CTIF: variants seen among roughly 807,000 people sequenced by gnomAD.
The protein encoded by CTIF is CBP80/20-dependent translation initiation factor.
A neutral mutation model predicts 66.0 loss-of-function variants in CTIF; 21 were observed. That is an observed-to-expected ratio of 0.32 (90% confidence interval 0.23 to 0.46). The LOEUF (loss-of-function observed/expected upper bound fraction) is 0.46, where lower values mean the gene tolerates loss of function less well. Among genes scored for constraint, CTIF ranks in the 20% least tolerant of loss-of-function variants. The probability of loss-of-function intolerance (pLI) is 1.00; values close to 1 mark genes in which losing one functional copy is unlikely to be tolerated. For missense variants in CTIF, 739 were observed against 812.7 expected, an observed-to-expected ratio of 0.91 and a Z score of 1.10; for synonymous variants, 345 against 326.4, an observed-to-expected ratio of 1.06 and a Z score of -0.62.
At chr18:48,747,753 A>T (rs377737334) in intron 7 of CTIF, among the ~76,000 whole-genome samples, 38,292 of 137,540 alleles carry the variant, frequency 0.28, 5,252 homozygotes, top group African/African-American at 0.42. Context: ...ACAAAAATTA[A>T]AAAAAAAAAA....
At chr18:48,596,231 C>G (rs960377973) in intron 1 of CTIF, among the ~76,000 whole-genome samples, 1 of 152,200 alleles carries the variant, frequency 6.6e-6, no homozygotes, top group Non-Finnish European at 1.5e-5. Context: ...TTCTTTCTTA[C>G]GTCTACAGGC....
At chr18:48,756,497 A>G (rs552821424) in intron 7 of CTIF, among the ~76,000 whole-genome samples, 4 of 152,370 alleles carry the variant, frequency 2.6e-5, no homozygotes, top group African/African-American at 9.6e-5. Context: ...ATAACATGCA[A>G]TGCAATGAAG....
intron 1 of CTIF, among the ~76,000 whole-genome samples, chr18:48,615,647 G>A (rs1035273757): frequency 1.3e-5 from 2 of 152,226 alleles, no homozygotes; most frequent in East Asian, 1.9e-4. Context: ...ACACTGAAAA[G>A]GGGAGTATTT....
chr18:48,643,451 G>A (rs1382711323), intron 3 of CTIF, among the ~76,000 whole-genome samples: 1 of 152,218 alleles, frequency 6.6e-6, no homozygotes, highest in Non-Finnish European at 1.5e-5. Context: ...TGGCCTGTCT[G>A]TGCAGCATTC....
chr18:48,794,074 G>T (rs2067854588), intron 9 of CTIF, among the ~76,000 whole-genome samples: 1 of 152,120 alleles, frequency 6.6e-6, no homozygotes, highest in Admixed American at 6.5e-5. Context: ...GGATCCTTTG[G>T]GTTTTCTGAC....
At chr18:48,779,122 G>C (rs1390473252) in intron 9 of CTIF, among the ~76,000 whole-genome samples, 1 of 152,130 alleles carries the variant, frequency 6.6e-6, no homozygotes, top group East Asian at 1.9e-4. Flanking sequence ...TGGGGACGAT[G>C]GTGTTAGTAT....
intron 3 of CTIF, chr18:48,662,507 T>C (rs1245806003): frequency 6.6e-6 from 1 of 151,952 alleles, no homozygotes; most frequent in Non-Finnish European, 1.5e-5. Flanking sequence ...TTCGACTCCA[T>C]AAGCCCTCCA....
intron 7 of CTIF, among the ~76,000 whole-genome samples, chr18:48,757,374 G>A (rs1033212789): frequency 6.6e-6 from 1 of 151,802 alleles, no homozygotes; most frequent in African/African-American, 2.4e-5. Context: ...GGGTTTGGGG[G>A]TGAAAATGAC....
At chr18:48,735,137 A>G (rs2092489579) in intron 7 of CTIF, among the ~76,000 whole-genome samples, 1 of 152,082 alleles carries the variant, frequency 6.6e-6, no homozygotes, top group African/African-American at 2.4e-5. Context: ...TGCAGCCCAT[A>G]AGGCCCTGTA....
intron 10 of CTIF, among the ~76,000 whole-genome samples, chr18:48,824,621 C>CT (rs57385726): frequency 0.051 from 7,484 of 145,652 alleles, 401 homozygotes; most frequent in East Asian, 0.32. Flanking sequence ...CTTTTCTCTC[C>CT]TTTTTTTTTT....
rs547888930 is a variant in CTIF, at chr18:48,786,160, T to C, written c.1371+24471T>C. Among the ~76,000 whole-genome samples the C allele has an allele frequency of 5.8e-4, 89 of 152,262 alleles. 1 individual carries two copies. The highest frequency in any genetic ancestry group is 2.1e-3 in the African/African-American group (88 of 41,522). On this transcript the variant is annotated intron_variant, in intron 9 of 11. Transcript: ENST00000256413. The stretch of plus-strand genomic sequence containing the variant: ...CCAGCTGAAGGAGCTCAGAGAGCAC[T>C]GCAGGGAGACAGGGGAGGTGCCGGC...
chr18:48,540,698 C>T (rs958989717), intron 1 of CTIF, among the ~76,000 whole-genome samples: 2 of 152,036 alleles, frequency 1.3e-5, no homozygotes, highest in Non-Finnish European at 2.9e-5. Context: ...CTCCCCCGCC[C>T]GGCTGTTTGT....
chr18:48,572,375 C>A (rs2089436104), intron 1 of CTIF, among the ~76,000 whole-genome samples: 2 of 152,122 alleles, frequency 1.3e-5, no homozygotes. Context: ...CATCACAGAT[C>A]CAAGAAGGAT....
chr18:48,845,161 G>A (rs1453048416), intron 10 of CTIF, among the ~76,000 whole-genome samples: 1 of 151,512 alleles, frequency 6.6e-6, no homozygotes, highest in Admixed American at 6.6e-5. Flanking sequence ...GGGGTTGGGG[G>A]TGGGGGAGAG....
At chr18:48,680,750 C>G (rs369873905) in intron 6 of CTIF, among the ~76,000 whole-genome samples, 1 of 152,260 alleles carries the variant, frequency 6.6e-6, no homozygotes, top group African/African-American at 2.4e-5. Context: ...CAGCATCTTC[C>G]CTCCTCTGTC....
chr18:48,739,906 C>A (rs1353971899), intron 7 of CTIF, among the ~76,000 whole-genome samples: 1 of 152,206 alleles, frequency 6.6e-6, no homozygotes, highest in Non-Finnish European at 1.5e-5. Context: ...CTGCAGTGGC[C>A]CAGGTGACCT....
intron 1 of CTIF, among the ~76,000 whole-genome samples, chr18:48,547,026 T>C (rs1219671119): frequency 1.3e-5 from 2 of 152,194 alleles, no homozygotes; most frequent in Non-Finnish European, 2.9e-5. Context: ...GGGGAGAGTC[T>C]GGGGCTCTTT....
chr18:48,859,234 T>C (rs775505175), intron 11 of CTIF, 110 bp from the exon 12 acceptor site: 8 of 892,384 alleles, frequency 9.0e-6, no homozygotes, highest in Non-Finnish European at 1.5e-5. Flanking sequence ...TCTGGGCCTG[T>C]GTGTCCTTAA....
intron 7 of CTIF, among the ~76,000 whole-genome samples, chr18:48,730,211 G>GGTGTGAGGAGCCCCCGAA (rs1289378687): frequency 6.8e-6 from 1 of 146,308 alleles, no homozygotes; most frequent in Non-Finnish European, 1.5e-5. Context: ...GGGCTCCTGT[G>GGTGTGAGGAGCCCCCGAA]GTGTGAGGAG....
Sources: allele counts gnomAD v4.1 joint callset (sites outside exome capture counted in the v4.1 genomes callset), GRCh38; gene constraint gnomAD v4.1.1; transcripts MANE v1.5; gene names NCBI Gene and HGNC (gene_info 2026-07-23, HGNC 2026-07-21).